Variants in PYGO1 observed in about 807,000 individuals in gnomAD.
PYGO1 encodes pygopus homolog 1.
In PYGO1, 6 loss-of-function variants were observed where a neutral mutation model predicts 29.5. That is an observed-to-expected ratio of 0.20 (90% CI 0.11 to 0.40). PYGO1 has a LOEUF of 0.40. PYGO1 is among the 10% of genes least tolerant of loss of function. The probability of loss-of-function intolerance (pLI) is 1.00; values close to 1 mark genes in which losing one functional copy is unlikely to be tolerated. For synonymous variants in PYGO1, 186 were observed against 180.5 expected, an observed-to-expected ratio of 1.03 and a Z score of -0.24; for missense variants, 515 against 514.9, an observed-to-expected ratio of 1.00 and a Z score of 0.00.
At chr15:55,588,497 T>C (rs1182438040), upstream of PYGO1, among the ~76,000 whole-genome samples, 1 of 144,608 alleles carries the variant, frequency 6.9e-6, no homozygotes, top group Non-Finnish European at 1.5e-5. Context: ...CCGCGGCGCC[T>C]CCCGCCACCG....
In PYGO1 at chr15:55,544,004, T is replaced by C. The variant is rs1331840193; in HGVS notation, c.*2019A>G. The C allele has an allele frequency of 6.6e-6, 1 of 152,176 alleles. No homozygotes were observed. The highest frequency in any genetic ancestry group is 1.5e-5 in the Non-Finnish European group (1 of 68,016). 9.4% of individuals were successfully genotyped at this position (152,176 alleles called of 1,614,324 possible). A position where few individuals can be genotyped will look rare whatever the true frequency, so the allele number is the denominator to read the frequency against. On this transcript the variant is annotated 3_prime_UTR_variant, in exon 3 of 3. Coordinates refer to ENST00000563719, the MANE Select transcript of PYGO1 (RefSeq NM_001367806.1). Reference sequence around the variant, plus strand: ...CCCAAAATACTGCATTTTAACCTGCTTCAACTGGTAAAGTTTTCACACAAA... The same window carrying C: ...CCCAAAATACTGCATTTTAACCTGCCTCAACTGGTAAAGTTTTCACACAAA...
At chr15:55,560,079 A>T (rs2141658143) in intron 1 of PYGO1, among the ~76,000 whole-genome samples, 1 of 152,292 alleles carries the variant, frequency 6.6e-6, no homozygotes, top group East Asian at 1.9e-4. Context: ...TGATTATCAT[A>T]CTGAATGGGC....
At chr15:55,551,076 C>T (rs1192311844) in intron 1 of PYGO1, among the ~76,000 whole-genome samples, 2 of 152,090 alleles carry the variant, frequency 1.3e-5, no homozygotes, top group Non-Finnish European at 2.9e-5. Context: ...TGTCAGGAGG[C>T]GGAGCTCAGG....
chr15:55,560,134 T>C (rs1407687947), intron 1 of PYGO1, among the ~76,000 whole-genome samples: 1 of 152,116 alleles, frequency 6.6e-6, no homozygotes, highest in Non-Finnish European at 1.5e-5. Flanking sequence ...AAGACAAGGA[T>C]GCTCTCTCTC....
chr15:55,562,563 C>G (rs997748948), intron 1 of PYGO1, among the ~76,000 whole-genome samples: 1 of 151,718 alleles, frequency 6.6e-6, no homozygotes, highest in Non-Finnish European at 1.5e-5. Context: ...CCCAGCTACT[C>G]GGGAGGCTGA....
At chr15:55,560,577 T>C (rs2058928694) in intron 1 of PYGO1, among the ~76,000 whole-genome samples, 1 of 152,162 alleles carries the variant, frequency 6.6e-6, no homozygotes, top group South Asian at 2.1e-4. Flanking sequence ...ATAGGAAGAA[T>C]CAGTATTGTG....
intron 1 of PYGO1, among the ~76,000 whole-genome samples, chr15:55,565,966 G>C (rs1452060115): frequency 6.6e-6 from 1 of 152,120 alleles, no homozygotes; most frequent in African/African-American, 2.4e-5. Context: ...ATTTTTAGTA[G>C]AGACAGCGGT....
Position 55,580,554 on chromosome 15 carries a change from T to C in PYGO1, c.49+7281A>G, listed in dbSNP as rs148675963. 4.3e-3 allele frequency among the ~76,000 whole-genome samples: 653 copies of C among 152,286 alleles called. 1 individual carries two copies. The highest frequency in any genetic ancestry group is 7.6e-3 in the Non-Finnish European group (515 of 68,018). On this transcript the variant is annotated intron_variant, in intron 1 of 2. Coordinates refer to ENST00000563719, the MANE Select transcript of PYGO1 (RefSeq NM_001367806.1). ...CAATTTAATCCTTCCAACAACTCCA[T>C]GAGATAAGTACCATTATTATTCTCA...
At chr15:55,550,169 T>C (rs572727111) in intron 1 of PYGO1, among the ~76,000 whole-genome samples, 1 of 152,324 alleles carries the variant, frequency 6.6e-6, no homozygotes, top group East Asian at 1.9e-4. Context: ...TGACATGTCT[T>C]TTAATTGATA....
intron 1 of PYGO1, among the ~76,000 whole-genome samples, chr15:55,584,074 A>G (rs1226922510): frequency 6.7e-6 from 1 of 149,870 alleles, no homozygotes; most frequent in Non-Finnish European, 1.5e-5. Flanking sequence ...CCTGTACTAG[A>G]CTTAACAATT....
rs553677038 is a variant in PYGO1, at chr15:55,576,312, C to T, written c.49+11523G>A. ...TCTACTAAAAATACAAAAAATTAGC[C>T]GGGCGTAGTGGCGGGCGCCTGTAGT... On this transcript the variant is annotated intron_variant, in intron 1 of 2. Transcript: ENST00000563719. 2.9e-3 allele frequency among the ~76,000 whole-genome samples: 434 copies of T among 149,558 alleles called. 2 individuals carry two copies. The highest frequency in any genetic ancestry group is 4.9e-3 in the Non-Finnish European group (332 of 67,544).
chr15:55,559,387 G>C (rs972547617), intron 1 of PYGO1, among the ~76,000 whole-genome samples: 4 of 152,282 alleles, frequency 2.6e-5, no homozygotes, highest in Admixed American at 1.3e-4. Flanking sequence ...TGGTGGGACT[G>C]TAAACTAGTT....
intron 1 of PYGO1, among the ~76,000 whole-genome samples, chr15:55,562,996 G>C (rs1004762324): frequency 1.3e-5 from 2 of 152,016 alleles, no homozygotes; most frequent in African/African-American, 2.4e-5. Context: ...CCTGTCGGGG[G>C]GAGCGGGAGG....
chr15:55,549,438 CTATT>C (rs564674100), intron 1 of PYGO1, among the ~76,000 whole-genome samples: 1 of 152,288 alleles, frequency 6.6e-6, no homozygotes, highest in African/African-American at 2.4e-5. Context: ...CCATATCACT[CTATT>C]TAGAACTTCT....
rs533486813 is a variant in PYGO1, at chr15:55,567,378, C to A, written c.50-18383G>T. Among the ~76,000 whole-genome samples, 14 of 151,340 alleles carry A rather than the reference C, an allele frequency of 9.3e-5. No homozygotes were observed. In the East Asian group the frequency reaches 1.4e-3, roughly 15 times the overall value. On this transcript the variant is annotated intron_variant, in intron 1 of 2. Coordinates refer to ENST00000563719, the MANE Select transcript of PYGO1 (RefSeq NM_001367806.1). ...ATGTGCCACCATACCTGGCTAATTTCTTTATTTTTTGTAGAGACAGGGTCT... is the reference window on the plus strand; with the variant it reads ...ATGTGCCACCATACCTGGCTAATTTATTTATTTTTTGTAGAGACAGGGTCT...
At chr15:55,576,759 T>TAAAAAAAAAAAAAAAAAAAAAAAA (rs1567059330) in intron 1 of PYGO1, among the ~76,000 whole-genome samples, 2 of 4,182 alleles carry the variant, frequency 4.8e-4, no homozygotes, top group African/African-American at 1.0e-3. Flanking sequence ...GGGCGACAGA[T>TAAAAAAAAAAAAAAAAAAAAAAAA]CAAAAAAAAG....
Position 55,548,975 on chromosome 15 carries a change from C to G in PYGO1, c.70G>C (p.Gly24Arg), listed in dbSNP as rs759841393. ...RVRGGDSGLD[G>R]LGGPGVQLGS... ...AGTTGTACACCTGGTCCTCCTAACCCATCCAGTCCACTATCACCACCTAAA... is the reference window on the plus strand; with the variant it reads ...AGTTGTACACCTGGTCCTCCTAACCGATCCAGTCCACTATCACCACCTAAA... Residue 24 changes from glycine to arginine, a missense_variant, in exon 2 of 3, where the codon GGG becomes CGG. Gly to Arg is a moderately radical substitution (Grantham distance 125). Coordinates refer to ENST00000563719, the MANE Select transcript of PYGO1 (RefSeq NM_001367806.1). 1.1e-5 allele frequency: 18 copies of G among 1,609,798 alleles called. No individual in the cohort carries two copies. The South Asian group carries it at 2.0e-4, about 18-fold the overall frequency.
intron 1 of PYGO1, among the ~76,000 whole-genome samples, chr15:55,584,112 T>C (rs1236790280): frequency 6.6e-6 from 1 of 150,842 alleles, no homozygotes. Flanking sequence ...ATACCTTTTT[T>C]TTTTTTTTTT....
At chr15:55,580,453 C>T (rs2059020841) in intron 1 of PYGO1, among the ~76,000 whole-genome samples, 1 of 152,164 alleles carries the variant, frequency 6.6e-6, no homozygotes, top group Admixed American at 6.5e-5. Flanking sequence ...TATTTTAGAC[C>T]TGTTTCTGAT....
Sources: gnomAD v4.1 joint callset for allele counts (sites outside exome capture counted in the v4.1 genomes callset) on GRCh38, gnomAD v4.1.1 for gene constraint, MANE v1.5 for transcripts, NCBI Gene and HGNC (gene_info 2026-07-23, HGNC 2026-07-21) for gene names.